The following ABCC6 variants were observed in gnomAD, a reference collection of about 807,000 sequenced individuals.
ABCC6 encodes the protein ATP binding cassette subfamily C member 6, also known as ATP-binding cassette sub-family C member 6.
A neutral mutation model predicts 169.5 loss-of-function variants in ABCC6; 126 were observed. The ratio of observed to expected loss-of-function variants is 0.74; its 90% CI spans 0.64 to 0.86. ABCC6 has a LOEUF of 0.86. ABCC6 is among the 40% of genes least tolerant of loss of function. The pLI is 0.00. For missense variants in ABCC6, 1,733 were observed against 1,927.2 expected, an observed-to-expected ratio of 0.90 and a Z score of 1.89; for synonymous variants, 752 against 814.7, an observed-to-expected ratio of 0.92 and a Z score of 1.31.
rs370039769 is a variant in ABCC6 at position 16,177,550 on chromosome 16, A to T, written c.2492T>A (p.Ile831Asn). ...CTCCTGGTAGGAACCCATCTCTGCG[A>T]TGGCCCCATTTGCCAGCACTATGAT... Reference protein sequence around the residue: ...DWIIVLANGAIAEMGSYQELL... With the variant: ...DWIIVLANGANAEMGSYQELL... The change falls in exon 19 of 31, where the codon ATC (isoleucine) becomes AAC (asparagine). Residue 831 changes from isoleucine to asparagine, a missense_variant. Physicochemically the swap from Ile to Asn is moderately radical, Grantham distance 149 (BLOSUM62 -3). Around this residue, in one of 5 missense-constraint regions of ABCC6, gnomAD observed 1,601 missense variants for 1,635.5 expected, o/e 0.98. Coordinates refer to ENST00000205557, the MANE Select transcript of ABCC6 (RefSeq NM_001171.6). The T allele has an allele frequency of 9.9e-6, 16 of 1,614,112 alleles. No individual in the cohort carries two copies. Among genetic ancestry groups the T allele is most frequent in the Non-Finnish European group, 1.2e-5 (14 of 1,180,050 alleles).
At chr16:16,171,934 G>GGTGGGTGGGATGGATAAATGA (rs2047094568) in intron 21 of ABCC6, among the ~76,000 whole-genome samples, 5 of 97,306 alleles carry the variant, frequency 5.1e-5, no homozygotes, top group African/African-American at 1.5e-4. Context: ...TGGATAAATG[G>GGTGGGTGGGATGGATAAATGA]GTGGGTGGGA....
chr16:16,219,406 G>C, intron 4 of ABCC6, 148 bp downstream of exon 4: 1 of 649,386 alleles, frequency 1.5e-6, no homozygotes, highest in South Asian at 1.9e-5. Flanking sequence ...TGCGGGAGTG[G>C]ATTTTGTGTC....
At chr16:16,203,309 G>C (rs997060000) in intron 8 of ABCC6, 101 bp downstream of exon 8, 8 of 1,555,336 alleles carry the variant, frequency 5.1e-6, no homozygotes, top group Non-Finnish European at 7.0e-6. Flanking sequence ...CCGAGCACCA[G>C]ACGTATAGGC....
Position 16,188,667 on chromosome 16 carries a change from G to A in ABCC6, c.1779+164C>T, listed in dbSNP as rs80280865. Among the ~76,000 whole-genome samples, 3,268 of 152,202 alleles carry A rather than the reference G, an allele frequency of 0.021. 115 individuals are homozygous for A. Among genetic ancestry groups the A allele is most frequent in the African/African-American group, 0.07 (2,922 of 41,514 alleles). On this transcript the variant is annotated intron_variant, in intron 13 of 30. Transcript: ENST00000205557. ...GATGTATTTGCTGTACTCTCTGCCCGCCTCTGTTCTTGCCCCTACCCGCCT... is the reference window on the plus strand; with the variant it reads ...GATGTATTTGCTGTACTCTCTGCCCACCTCTGTTCTTGCCCCTACCCGCCT...
intron 28 of ABCC6, 35 bp downstream of exon 28, chr16:16,154,838 C>T: frequency 6.2e-7 from 1 of 1,610,534 alleles, no homozygotes; most frequent in African/African-American, 1.3e-5. Flanking sequence ...CCCACCATGC[C>T]TCCCATCTTT....
At chr16:16,199,300 A>G (rs1596707438) in intron 9 of ABCC6, among the ~76,000 whole-genome samples, 1 of 148,716 alleles carries the variant, frequency 6.7e-6, no homozygotes. Context: ...ATGTGAGACG[A>G]GAATCAATGA....
intron 23 of ABCC6, among the ~76,000 whole-genome samples, chr16:16,164,575 G>A (rs920223366): frequency 1.3e-5 from 2 of 152,124 alleles, no homozygotes; most frequent in African/African-American, 4.8e-5. Context: ...CTGAAGAAAC[G>A]TTTTTTGCAT....
intron 22 of ABCC6, among the ~76,000 whole-genome samples, chr16:16,168,172 C>T (rs2046934618): frequency 9.2e-5 from 1 of 10,896 alleles, no homozygotes; most frequent in African/African-American, 1.6e-4. Flanking sequence ...GACGAATCAA[C>T]ATGAAAACGA....
At chr16:16,184,432 A>G (rs183028840) in intron 15 of ABCC6, among the ~76,000 whole-genome samples, 2 of 152,192 alleles carry the variant, frequency 1.3e-5, no homozygotes, top group East Asian at 3.9e-4. Context: ...AGCGTGGCCC[A>G]TACCTAGTGC....
chr16:16,214,017 GCCCACTGCCTGTTT>G (rs2048752123), intron 5 of ABCC6, among the ~76,000 whole-genome samples: 1 of 149,070 alleles, frequency 6.7e-6, no homozygotes, highest in South Asian at 2.1e-4. Context: ...ACCAAATCTG[GCCCACTGCCTGTTT>G]CTGCAAATAG....
chr16:16,203,973 C>T (rs934329536), intron 7 of ABCC6, among the ~76,000 whole-genome samples: 58 of 152,236 alleles, frequency 3.8e-4, no homozygotes, highest in African/African-American at 1.3e-3. Context: ...CGAACTTGCC[C>T]AAGGGCACAC....
At chr16:16,159,364 G>T in intron 26 of ABCC6, 118 bp downstream of exon 26, 1 of 942,978 alleles carries the variant, frequency 1.1e-6, no homozygotes, top group Non-Finnish European at 1.7e-6. Flanking sequence ...GGTGGGGGTT[G>T]AGTGAGGGGA....
intron 9 of ABCC6, among the ~76,000 whole-genome samples, chr16:16,201,575 C>T (rs1308830928): frequency 6.6e-6 from 1 of 152,090 alleles, no homozygotes; most frequent in Non-Finnish European, 1.5e-5. Flanking sequence ...CACACAAGAC[C>T]TTACAGGAAT....
rs1414417702 is a variant in ABCC6 at position 16,178,918 on chromosome 16, C to A, written c.2295G>T (p.Arg765=). Residue 765 remains arginine, a synonymous_variant, in exon 18 of 31, where the codon CGG becomes CGT. Coordinates refer to ENST00000205557, the MANE Select transcript of ABCC6 (RefSeq NM_001171.6). ...GGQKQRLSLA[R]AVYRKAAVYL... ...ACACAGCTGCCTTTCTGTATACAGC[C>A]CGGGCCAGGCTCAGCCGCTGCTTCT... The A allele has an allele frequency of 6.2e-7, 1 of 1,613,564 alleles. No individual in the cohort carries two copies. Among genetic ancestry groups the A allele is most frequent in the African/African-American group, 1.3e-5 (1 of 75,046 alleles).
intron 21 of ABCC6, among the ~76,000 whole-genome samples, chr16:16,171,454 C>T (rs564440433): frequency 1.1e-4 from 17 of 152,286 alleles, no homozygotes; most frequent in African/African-American, 3.4e-4. Context: ...ATTTACTCTC[C>T]GTCTATCCTC....
chr16:16,205,464 A>G (rs2048365928), intron 7 of ABCC6, among the ~76,000 whole-genome samples: 1 of 151,834 alleles, frequency 6.6e-6, no homozygotes, highest in African/African-American at 2.4e-5. Flanking sequence ...TGGTGAGCTC[A>G]GGTGGCCAGA....
Position 16,154,738 on chromosome 16 carries a change from G to T in ABCC6, c.4098C>A (p.His1366Gln). Residue 1366 changes from histidine (H) to glutamine (Q), a missense_variant, in exon 29 of 31, where the codon CAC becomes CAA. Physicochemically the swap from His to Gln is conservative, Grantham distance 24. This residue lies in a region of ABCC6 where 1,601 missense variants were observed against 1,635.5 expected (regional missense o/e 0.98). Coordinates refer to ENST00000205557, the MANE Select transcript of ABCC6 (RefSeq NM_001171.6). ...LRMNLDLLQE[H>Q]SDEAIWAALE... ...GGGCTGCCCAGATAGCCTCGTCCGA[G>T]TGCTCCTGCAGCAGGTCGAGGTTCA... is the stretch of plus-strand genomic sequence containing the variant. 1 of 1,613,332 alleles carries T rather than the reference G, an allele frequency of 6.2e-7. No individual in the cohort carries two copies. Among genetic ancestry groups the T allele is most frequent in the Non-Finnish European group, 8.5e-7 (1 of 1,179,778 alleles).
chr16:16,194,219 G>A (rs1389509156), intron 10 of ABCC6, among the ~76,000 whole-genome samples: 1 of 152,200 alleles, frequency 6.6e-6, no homozygotes, highest in Non-Finnish European at 1.5e-5. Flanking sequence ...GTTCTCATTT[G>A]GCATTTTCTC....
intron 10 of ABCC6, among the ~76,000 whole-genome samples, chr16:16,197,226 C>A (rs1297407666): frequency 1.3e-5 from 2 of 152,022 alleles, no homozygotes; most frequent in Non-Finnish European, 2.9e-5. Context: ...GGTTAACTTG[C>A]CTACTGGGTA....
Sources: gnomAD v4.1 joint callset for allele counts (sites outside exome capture counted in the v4.1 genomes callset) on GRCh38, gnomAD v4.1.1 for gene constraint, gnomAD v4.1.1 regional missense constraint, MANE v1.5 for transcripts, NCBI Gene and HGNC (gene_info 2026-07-23, HGNC 2026-07-21) for gene names.